The following NDC1 variants were observed in gnomAD, a reference collection of about 807,000 sequenced individuals.
The protein encoded by NDC1 is NDC1 transmembrane nucleoporin.
Under a neutral mutation model 89.8 loss-of-function variants are expected in NDC1, and 24 were observed. The ratio of observed to expected loss-of-function variants is 0.27; its 90% confidence interval spans 0.19 to 0.38. The LOEUF (loss-of-function observed/expected upper bound fraction) is 0.38, where lower values mean the gene tolerates loss of function less well. NDC1 is among the 10% of genes least tolerant of loss of function. NDC1 has a pLI of 1.00. For synonymous variants in NDC1, 296 were observed against 284.8 expected (o/e 1.04, Z -0.39); for missense variants, 728 against 797.6 (o/e 0.91, Z 1.05).
At chr1:53,823,629 A>C (rs998136032) in intron 5 of NDC1, among the ~76,000 whole-genome samples, 17 of 149,370 alleles carry the variant, frequency 1.1e-4, no homozygotes, top group Non-Finnish European at 2.3e-4. Context: ...TTTTTCCCTA[A>C]CACTTTCTTT....
Position 53,795,079 on chromosome 1 carries a change from C to T in NDC1, c.1584+1610G>A, listed in dbSNP as rs550292255. On this transcript the variant is annotated intron_variant, in intron 13 of 17. Transcript: ENST00000371429. ...CTCTTGTCAAGGACTCAGTGACCTC[C>T]GCATTTCTAGCTCAACAGTTAATTC... is the stretch of plus-strand genomic sequence containing the variant. Among the ~76,000 whole-genome samples, 12 of 152,236 alleles carry T rather than the reference C, an allele frequency of 7.9e-5. No individual in the cohort carries two copies. The South Asian group carries it at 1.9e-3, about 24-fold the overall frequency.
chr1:53,825,460 A>AAAAAAAAAAAAAAAGAAG (rs1039370528), intron 5 of NDC1, among the ~76,000 whole-genome samples: 2 of 142,116 alleles, frequency 1.4e-5, no homozygotes, highest in African/African-American at 5.2e-5. Context: ...CTCCAAAAAA[A>AAAAAAAAAAAAAAAGAAG]AAGAAGCTAC....
At chr1:53,787,037 T>A (rs34088131) in intron 16 of NDC1, 121 bp downstream of exon 16, 18,765 of 597,126 alleles carry the variant, frequency 0.031, 413 homozygotes, top group Non-Finnish European at 0.043. Flanking sequence ...TGAAAAAGTA[T>A]CATTATTTTA....
At position 53,835,487 on chromosome 1, in the gene NDC1, G is replaced by A; in HGVS notation, c.178+13C>T. 1 of 1,595,478 alleles carries A rather than the reference G, an allele frequency of 6.3e-7. No homozygotes were observed. The highest frequency in any genetic ancestry group is 8.5e-7 in the Non-Finnish European group (1 of 1,174,138). On this transcript the variant is annotated intron_variant, in intron 2 of 17. Transcript: ENST00000371429. ...GGTCCTATAACTTTCTCCCCAAGTT[G>A]AGTATCACCTACCAGACAGCCACTG... is the stretch of plus-strand genomic sequence containing the variant.
intron 11 of NDC1, among the ~76,000 whole-genome samples, chr1:53,800,332 CTTTTTTTTTTT>C (rs1158363485): frequency 2.4e-4 from 19 of 80,646 alleles, no homozygotes; most frequent in Non-Finnish European, 8.9e-5. Flanking sequence ...CTACAGTCAT[CTTTTTTTTTTT>C]TTTTTTTTTT....
chr1:53,806,384 T>A, intron 9 of NDC1, 41 bp downstream of exon 9: 1 of 1,308,136 alleles, frequency 7.6e-7, no homozygotes. Flanking sequence ...TGAATAAAGT[T>A]AGAGAAAACT....
intron 2 of NDC1, among the ~76,000 whole-genome samples, chr1:53,833,847 A>G (rs1439360716): frequency 3.3e-5 from 5 of 149,330 alleles, no homozygotes; most frequent in Non-Finnish European, 7.4e-5. Flanking sequence ...TTTTTTTGAG[A>G]TGGAGTCTCA....
intron 16 of NDC1, among the ~76,000 whole-genome samples, chr1:53,785,662 T>A (rs1647284300): frequency 6.6e-6 from 1 of 151,892 alleles, no homozygotes; most frequent in Non-Finnish European, 1.5e-5. Flanking sequence ...AACCTCTACC[T>A]CCCGGGTTCA....
chr1:53,788,431 A>C (rs1194992699), intron 15 of NDC1, among the ~76,000 whole-genome samples: 1 of 151,774 alleles, frequency 6.6e-6, no homozygotes, highest in Non-Finnish European at 1.5e-5. Flanking sequence ...ACAAAAAAAA[A>C]ATTTTTTTTT....
chr1:53,836,605 C>T (rs1029821524), intron 1 of NDC1, among the ~76,000 whole-genome samples: 1 of 152,088 alleles, frequency 6.6e-6, no homozygotes, highest in Non-Finnish European at 1.5e-5. Context: ...AAGTGATTCT[C>T]CTGCCTCAGC....
At chr1:53,830,185 G>T (rs1649007946) in intron 3 of NDC1, among the ~76,000 whole-genome samples, 1 of 151,658 alleles carries the variant, frequency 6.6e-6, no homozygotes, top group Non-Finnish European at 1.5e-5. Flanking sequence ...TGGGCCCAGT[G>T]GCTCACACCT....
chr1:53,771,667 G>A (rs967295204), intron 17 of NDC1, among the ~76,000 whole-genome samples: 2 of 152,106 alleles, frequency 1.3e-5, no homozygotes. Flanking sequence ...TTCATTGATT[G>A]CATACAAAAA....
intron 2 of NDC1, among the ~76,000 whole-genome samples, chr1:53,834,483 G>A (rs1441850661): frequency 6.6e-6 from 1 of 152,176 alleles, no homozygotes; most frequent in Non-Finnish European, 1.5e-5. Context: ...TGGGTAAAGA[G>A]TCCAACTCCT....
At chr1:53,823,068 T>C (rs1419854228) in intron 5 of NDC1, among the ~76,000 whole-genome samples, 3 of 152,152 alleles carry the variant, frequency 2.0e-5, no homozygotes, top group African/African-American at 7.2e-5. Context: ...GAGGCAAACC[T>C]ACCCTGCCAG....
At chr1:53,810,552 A>T (rs1181156) in intron 6 of NDC1, among the ~76,000 whole-genome samples, 19,886 of 152,194 alleles carry the variant, frequency 0.13, 2,725 homozygotes, top group African/African-American at 0.35. Context: ...AGTCACAAAA[A>T]TAGCCCAAAT....
chr1:53,807,246 CAAAAAAAA>C (rs56393499), intron 8 of NDC1, among the ~76,000 whole-genome samples: 25 of 55,274 alleles, frequency 4.5e-4, no homozygotes, highest in Admixed American at 1.3e-3. Flanking sequence ...GACCCTATCT[CAAAAAAAA>C]AAAAAAAAAA....
At chr1:53,793,556 T>C (rs998320655) in intron 13 of NDC1, among the ~76,000 whole-genome samples, 1 of 152,166 alleles carries the variant, frequency 6.6e-6, no homozygotes, top group African/African-American at 2.4e-5. Flanking sequence ...ATTAATTAAT[T>C]CTAAGTGGTT....
intron 6 of NDC1, among the ~76,000 whole-genome samples, chr1:53,815,213 A>G (rs1376798630): frequency 6.6e-6 from 1 of 152,220 alleles, no homozygotes; most frequent in Non-Finnish European, 1.5e-5. Context: ...ACAAAATACT[A>G]GCTAACGGAA....
At position 53,828,045 on chromosome 1, in the gene NDC1, G is replaced by T. The variant is rs1352972249; in HGVS notation, c.409C>A (p.Gln137Lys). 5 of 1,613,904 alleles carry T rather than the reference G, an allele frequency of 3.1e-6. No homozygotes were observed. The Admixed American group carries it at 8.3e-5, about 27-fold the overall frequency. Reference protein sequence around the residue: ...VMAWCAAVITQGQYSFLVVPC... With the variant: ...VMAWCAAVITKGQYSFLVVPC... ...ACCACAAGAAAGCTGTACTGGCCCTGGGTTATCACTGCAGCACACCAGGCC... is the reference window on the plus strand; with the variant it reads ...ACCACAAGAAAGCTGTACTGGCCCTTGGTTATCACTGCAGCACACCAGGCC... Residue 137 changes from glutamine to lysine, a missense_variant, in exon 4 of 18, where the codon CAG becomes AAG. Gln to Lys is a moderately conservative substitution (Grantham distance 53). Coordinates refer to ENST00000371429, the MANE Select transcript of NDC1 (RefSeq NM_018087.5).
Sources: gnomAD v4.1 joint callset for allele counts (sites outside exome capture counted in the v4.1 genomes callset) on GRCh38, gnomAD v4.1.1 for gene constraint, MANE v1.5 for transcripts, NCBI Gene and HGNC (gene_info 2026-07-23, HGNC 2026-07-21) for gene names.